AK9: variants seen among roughly 807,000 people sequenced by gnomAD.
The protein encoded by AK9 is adenylate kinase 9, also known as adenylate kinase domain containing 1.
AK9 carries 191 observed loss-of-function variants against 239.6 expected under a neutral mutation model. The observed-to-expected ratio is 0.80, with a 90% CI of 0.71 to 0.90. The LOEUF is 0.90. Ranked by LOEUF, AK9 falls within the 40% of genes least tolerant of loss-of-function variation. The pLI is 0.00. For missense variants in AK9, 1,995 were observed against 2,214.7 expected (o/e 0.90, Z 1.99); for synonymous variants, 689 against 721.0 (o/e 0.96, Z 0.71).
intron 17 of AK9, among the ~76,000 whole-genome samples, chr6:109,600,539 C>CT (rs1016835156): frequency 2.6e-5 from 4 of 152,076 alleles, no homozygotes; most frequent in African/African-American, 9.7e-5. Context: ...CTACAATTCT[C>CT]TTTTTTTGTT....
chr6:109,582,529 G>T (rs967344197), intron 19 of AK9, among the ~76,000 whole-genome samples: 1 of 152,168 alleles, frequency 6.6e-6, no homozygotes, highest in African/African-American at 2.4e-5. Flanking sequence ...AATTAGAAGT[G>T]AAGCCTAAAT....
At position 109,509,323 on chromosome 6, in the gene AK9, A is replaced by G; in HGVS notation, c.4337T>C (p.Leu1446Ser). ...GLKHLSIGGA[L>S]RYVLNNHPET... ...CGGGTGATTGTTTAGTACATAACGC[A>G]AAGCTCCTCCTATTGATAAATGCTT... Residue 1446 changes from leucine (L) to serine (S), a missense_variant, in exon 33 of 41, where the codon TTG becomes TCG. By Grantham distance (145) the Leu-to-Ser change is moderately radical. This residue lies in a region of AK9 where 1,290 missense variants were observed against 1,392.7 expected (regional missense o/e 0.93). Coordinates refer to ENST00000424296, the MANE Select transcript of AK9 (RefSeq NM_001145128.3). The G allele has an allele frequency of 6.4e-7, 1 of 1,551,746 alleles. No individual in the cohort carries two copies. Among genetic ancestry groups the G allele is most frequent in the Non-Finnish European group, 8.7e-7 (1 of 1,146,992 alleles).
At chr6:109,498,331 A>G (rs1474097490) in intron 36 of AK9, among the ~76,000 whole-genome samples, 1 of 152,180 alleles carries the variant, frequency 6.6e-6, no homozygotes, top group Non-Finnish European at 1.5e-5. Context: ...AGCTTCAGGT[A>G]TTGCTCTGTA....
intron 15 of AK9, among the ~76,000 whole-genome samples, chr6:109,612,324 G>GA (rs1231502501): frequency 6.6e-6 from 1 of 152,084 alleles, no homozygotes; most frequent in African/African-American, 2.4e-5. Flanking sequence ...GATCTAAATA[G>GA]AAAAAAACAA....
At chr6:109,501,410 A>G (rs1272118173) in intron 35 of AK9, among the ~76,000 whole-genome samples, 2 of 152,158 alleles carry the variant, frequency 1.3e-5, no homozygotes, top group Non-Finnish European at 2.9e-5. Flanking sequence ...ACCGTGCCCA[A>G]AGAGGTTTCC....
At chr6:109,529,930 C>A (rs1225709096) in intron 28 of AK9, among the ~76,000 whole-genome samples, 1 of 152,136 alleles carries the variant, frequency 6.6e-6, no homozygotes, top group East Asian at 1.9e-4. Context: ...CCTCATAGGC[C>A]ACAGACTGGT....
chr6:109,637,224 G>C (rs1045096349), intron 10 of AK9, among the ~76,000 whole-genome samples: 17 of 152,070 alleles, frequency 1.1e-4, no homozygotes, highest in African/African-American at 4.1e-4. Context: ...CAAATCCTTT[G>C]CCCATTTTTG....
chr6:109,503,772 C>T (rs1269819560), intron 35 of AK9, among the ~76,000 whole-genome samples: 2 of 152,164 alleles, frequency 1.3e-5, no homozygotes, highest in Non-Finnish European at 2.9e-5. Context: ...ACTGATTGCT[C>T]ACAGCTGGAC....
At chr6:109,602,613 G>T (rs1342377086) in intron 17 of AK9, among the ~76,000 whole-genome samples, 1 of 152,100 alleles carries the variant, frequency 6.6e-6, no homozygotes, top group Non-Finnish European at 1.5e-5. Context: ...GAATTTGAAT[G>T]TTGGCCTGCC....
chr6:109,503,100 A>G (rs1777760438), intron 35 of AK9, among the ~76,000 whole-genome samples: 1 of 152,094 alleles, frequency 6.6e-6, no homozygotes, highest in South Asian at 2.1e-4. Flanking sequence ...AGAAGTTCCA[A>G]TATTGATTTT....
At chr6:109,679,061 A>T (rs1278659549) in intron 1 of AK9, among the ~76,000 whole-genome samples, 1 of 152,144 alleles carries the variant, frequency 6.6e-6, no homozygotes, top group Non-Finnish European at 1.5e-5. Context: ...TAGCTGCAGG[A>T]GTTTTTTTCA....
intron 12 of AK9, among the ~76,000 whole-genome samples, chr6:109,630,413 G>A (rs904331976): frequency 6.6e-6 from 1 of 152,264 alleles, no homozygotes. Flanking sequence ...ATTGCAAAGG[G>A]CTAAGAATAG....
At chr6:109,533,854 C>T (rs1303580805) in intron 27 of AK9, among the ~76,000 whole-genome samples, 1 of 152,008 alleles carries the variant, frequency 6.6e-6, no homozygotes, top group Non-Finnish European at 1.5e-5. Flanking sequence ...TGAAAGTTTA[C>T]TAAAAGTTGT....
chr6:109,602,434 G>A (rs1229861202), intron 17 of AK9, among the ~76,000 whole-genome samples: 10 of 152,252 alleles, frequency 6.6e-5, no homozygotes, highest in Admixed American at 4.6e-4. Flanking sequence ...AGTTTCTGCC[G>A]AGAGATCCGC....
intron 35 of AK9, among the ~76,000 whole-genome samples, chr6:109,502,819 C>T (rs932056296): frequency 2.6e-5 from 4 of 152,180 alleles, no homozygotes; most frequent in African/African-American, 7.2e-5. Flanking sequence ...ACCGACATCA[C>T]ATGAGTGAGC....
chr6:109,642,408 A>G (rs1797565951), intron 9 of AK9, among the ~76,000 whole-genome samples: 1 of 152,126 alleles, frequency 6.6e-6, no homozygotes, highest in South Asian at 2.1e-4. Flanking sequence ...TTACAATGCA[A>G]CCTTCACTGA....
chr6:109,571,416 C>CT (rs1425153482), intron 21 of AK9, among the ~76,000 whole-genome samples: 1 of 152,080 alleles, frequency 6.6e-6, no homozygotes, highest in Non-Finnish European at 1.5e-5. Flanking sequence ...TCTTGTAGGA[C>CT]TTTAAAAATG....
In AK9 at chr6:109,636,600, T is replaced by C. The variant is rs956862120; in HGVS notation, c.934-3277A>G. Among the ~76,000 whole-genome samples the C allele has an allele frequency of 3.3e-5, 5 of 151,114 alleles. 1 individual carries two copies. In the East Asian group the frequency reaches 5.8e-4, roughly 18 times the overall value. On this transcript the variant is annotated intron_variant, in intron 10 of 40. Coordinates refer to ENST00000424296, the MANE Select transcript of AK9 (RefSeq NM_001145128.3). Reference sequence around the variant, plus strand: ...GGTAACCTCTATCCTACATTCTGTCTCTATGAATTTGTCTATTCTGTGTAT... The same window carrying C: ...GGTAACCTCTATCCTACATTCTGTCCCTATGAATTTGTCTATTCTGTGTAT...
chr6:109,539,078 GTGTCT>G (rs1562374340), intron 27 of AK9, among the ~76,000 whole-genome samples: 4 of 152,100 alleles, frequency 2.6e-5, no homozygotes, highest in Non-Finnish European at 5.9e-5. Flanking sequence ...TGACAATTAT[GTGTCT>G]TGGAGTTGCT....
Sources: gnomAD v4.1 joint callset for allele counts (sites outside exome capture counted in the v4.1 genomes callset) on GRCh38, gnomAD v4.1.1 for gene constraint, gnomAD v4.1.1 regional missense constraint, MANE v1.5 for transcripts, NCBI Gene and HGNC (gene_info 2026-07-23, HGNC 2026-07-21) for gene names.